Variants in SYTL2 observed in about 807,000 individuals in gnomAD.
SYTL2 encodes synaptotagmin-like protein 2.
SYTL2 carries 165 observed loss-of-function variants against 198.7 expected under a neutral mutation model. The observed-to-expected ratio is 0.83, with a 90% confidence interval of 0.73 to 0.94. SYTL2 has a LOEUF of 0.94. Ranked by LOEUF, SYTL2 falls within the 40% of genes least tolerant of loss-of-function variation. SYTL2 has a pLI of 0.00. For synonymous variants in SYTL2, 966 were observed against 917.7 expected (o/e 1.05, Z -0.95); for missense variants, 2,835 against 2,582.8 (o/e 1.10, Z -2.12).
chr11:85,853,120 G>A, the SYTL2 span: 12 of 295,708 alleles, frequency 4.1e-5, no homozygotes, highest in Middle Eastern at 1.2e-3. Flanking sequence ...TCTGGGAAGC[G>A]AGGAGCCCCT....
chr11:85,738,503 A>G (rs567761180), intron 4 of SYTL2, among the ~76,000 whole-genome samples: 1 of 152,166 alleles, frequency 6.6e-6, no homozygotes, highest in Non-Finnish European at 1.5e-5. Context: ...ATTAAGACTA[A>G]TAGACACATT....
the SYTL2 span, among the ~76,000 whole-genome samples, chr11:85,841,331 A>G: frequency 6.6e-6 from 1 of 152,228 alleles, no homozygotes; most frequent in Non-Finnish European, 1.5e-5. Context: ...TATATACTCA[A>G]AGGAATATAA....
chr11:85,713,826 A>C (rs1457202435), intron 12 of SYTL2, among the ~76,000 whole-genome samples: 1 of 152,206 alleles, frequency 6.6e-6, no homozygotes, highest in African/African-American at 2.4e-5. Flanking sequence ...CATTAACAGC[A>C]GGCAACTTGG....
chr11:85,850,508 T>C, the SYTL2 span, among the ~76,000 whole-genome samples: 1 of 151,550 alleles, frequency 6.6e-6, no homozygotes, highest in Non-Finnish European at 1.5e-5. Context: ...ATGGCCATCA[T>C]TAAAAAGTCA....
intron 10 of SYTL2, chr11:85,718,202 T>C (rs1473639753): frequency 1.8e-5 from 3 of 171,068 alleles, no homozygotes; most frequent in East Asian, 1.7e-4. Flanking sequence ...GGCACCACTA[T>C]ACTATTCATC....
At chr11:85,785,695 C>T (rs547534227) in intron 1 of SYTL2, among the ~76,000 whole-genome samples, 1 of 152,242 alleles carries the variant, frequency 6.6e-6, no homozygotes, top group African/African-American at 2.4e-5. Context: ...TTAAATGAGG[C>T]TCATGGTCTG....
the SYTL2 span, among the ~76,000 whole-genome samples, chr11:85,825,908 A>G: frequency 6.6e-6 from 1 of 152,218 alleles, no homozygotes; most frequent in Non-Finnish European, 1.5e-5. Flanking sequence ...TTATTTTGTT[A>G]GATTGTAAGC....
chr11:85,845,883 T>C, the SYTL2 span, among the ~76,000 whole-genome samples: 1 of 152,030 alleles, frequency 6.6e-6, no homozygotes, highest in Non-Finnish European at 1.5e-5. Flanking sequence ...GCCACTGCAC[T>C]CAGCCTGGGC....
At chr11:85,822,079 C>T in the SYTL2 span, among the ~76,000 whole-genome samples, 1 of 152,326 alleles carries the variant, frequency 6.6e-6, no homozygotes, top group African/African-American at 2.4e-5. Flanking sequence ...TGAATCCTTA[C>T]CACATCCCTG....
chr11:85,746,740 T>A (rs2091181955), intron 3 of SYTL2, among the ~76,000 whole-genome samples: 1 of 152,168 alleles, frequency 6.6e-6, no homozygotes, highest in African/African-American at 2.4e-5. Context: ...CCCTCAAGAT[T>A]TCTGAAGGTC....
chr11:85,845,539 G>A, the SYTL2 span, among the ~76,000 whole-genome samples: 1 of 152,110 alleles, frequency 6.6e-6, no homozygotes, highest in Non-Finnish European at 1.5e-5. Context: ...GAGGCGGGAG[G>A]ATCACTTGAG....
At chr11:85,708,192 TA>T (rs766715010) in intron 14 of SYTL2, 1 of 426,996 alleles carries the variant, frequency 2.3e-6, no homozygotes, top group South Asian at 1.7e-5. Flanking sequence ...ACTTTCAGCA[TA>T]GAGCTTAAAT....
At chr11:85,775,360 A>G (rs2092434047) in intron 1 of SYTL2, among the ~76,000 whole-genome samples, 1 of 152,200 alleles carries the variant, frequency 6.6e-6, no homozygotes, top group Non-Finnish European at 1.5e-5. Context: ...CACAGCAATA[A>G]TAATAGCTCC....
At chr11:85,817,376 A>C in the SYTL2 span, among the ~76,000 whole-genome samples, 3 of 152,210 alleles carry the variant, frequency 2.0e-5, no homozygotes, top group African/African-American at 7.2e-5. Flanking sequence ...TGACTAGTCT[A>C]GATTGAGACG....
intron 17 of SYTL2, among the ~76,000 whole-genome samples, chr11:85,699,981 C>G (rs1205801595): frequency 6.6e-6 from 1 of 152,092 alleles, no homozygotes; most frequent in Non-Finnish European, 1.5e-5. Context: ...ATTCTTATAG[C>G]ACTATCAATA....
chr11:85,791,044 G>A (rs755695505), intron 1 of SYTL2, among the ~76,000 whole-genome samples: 167 of 151,536 alleles, frequency 1.1e-3, no homozygotes, highest in Non-Finnish European at 1.6e-3. Flanking sequence ...ATGCACACCT[G>A]TAATCCCGGC....
intron 9 of SYTL2, chr11:85,719,210 C>T: frequency 8.1e-7 from 1 of 1,229,504 alleles, no homozygotes; most frequent in Admixed American, 3.4e-5. Flanking sequence ...TTCCCAAACC[C>T]ATGGTCATTA....
intron 8 of SYTL2, among the ~76,000 whole-genome samples, chr11:85,721,757 C>A (rs1472852815): frequency 5.3e-5 from 8 of 152,138 alleles, no homozygotes; most frequent in Admixed American, 5.2e-4. Context: ...GAAATACATT[C>A]CAGTTCTGCC....
chr11:85,782,607 G>A lies in SYTL2; in HGVS notation c.-389-24493C>T, dbSNP rs1422592078. 3.3e-5 allele frequency among the ~76,000 whole-genome samples: 5 copies of A among 152,170 alleles called. 1 individual carries two copies. Among genetic ancestry groups the A allele is most frequent in the Admixed American group, 2.0e-4 (3 of 15,278 alleles). ...TGCTCTGCTTCTTTTTTAAACGTAA[G>A]TTCCAATTCCAAACCATATCTTTGT... On this transcript the variant is annotated intron_variant, in intron 1 of 19. Transcript: ENST00000359152.
Sources: allele counts gnomAD v4.1 joint callset (sites outside exome capture counted in the v4.1 genomes callset), GRCh38; gene constraint gnomAD v4.1.1; transcripts MANE v1.5; gene names NCBI Gene and HGNC (gene_info 2026-07-23, HGNC 2026-07-21).